GRID2: variants seen among roughly 807,000 people sequenced by gnomAD.
GRID2 encodes the protein glutamate receptor ionotropic, delta-2.
In GRID2, 33 loss-of-function variants were observed where a neutral mutation model predicts 114.8. The ratio of observed to expected loss-of-function variants is 0.29; its 90% CI spans 0.22 to 0.38. GRID2 has a LOEUF of 0.38. Among genes scored for constraint, GRID2 ranks in the 10% least tolerant of loss-of-function variants. The pLI, the probability that GRID2 is intolerant of heterozygous loss-of-function variation, is 1.00. For missense variants in GRID2, 1,184 were observed against 1,257.7 expected (o/e 0.94, Z 0.89); for synonymous variants, 505 against 449.9 (o/e 1.12, Z -1.55).
chr4:93,431,441 A>G (rs975002169), intron 10 of GRID2, among the ~76,000 whole-genome samples: 2 of 152,220 alleles, frequency 1.3e-5, no homozygotes, highest in South Asian at 4.1e-4. Context: ...AAAAAAAATA[A>G]GAAAGTTTCA....
intron 2 of GRID2, among the ~76,000 whole-genome samples, chr4:93,023,419 G>A (rs1267076150): frequency 6.6e-6 from 1 of 151,932 alleles, no homozygotes; most frequent in Non-Finnish European, 1.5e-5. Context: ...AAGGAAACCT[G>A]TGTAACTTTG....
intron 1 of GRID2, among the ~76,000 whole-genome samples, chr4:92,469,300 G>T (rs2149094223): frequency 6.6e-6 from 1 of 152,200 alleles, no homozygotes; most frequent in Non-Finnish European, 1.5e-5. Flanking sequence ...CAATGAGAAT[G>T]AAGAAGGTTA....
chr4:92,567,900 GC>G (rs1296711094), intron 1 of GRID2, among the ~76,000 whole-genome samples: 1 of 151,896 alleles, frequency 6.6e-6, no homozygotes, highest in African/African-American at 2.4e-5. Context: ...AAAACCCCTT[GC>G]CCTCATGGAA....
intron 14 of GRID2, among the ~76,000 whole-genome samples, chr4:93,691,918 A>AGT (rs143955579): frequency 0.012 from 1,760 of 151,860 alleles, 26 homozygotes; most frequent in African/African-American, 0.04. Context: ...ACATGTAAAC[A>AGT]GTGTGTGTGT....
At chr4:93,471,698 A>ATTTGTTTTTTTTTTTTTT (rs1724815104) in intron 11 of GRID2, among the ~76,000 whole-genome samples, 1 of 61,008 alleles carries the variant, frequency 1.6e-5, no homozygotes, top group Non-Finnish European at 3.2e-5. Flanking sequence ...CCTGAATTCA[A>ATTTGTTTTTTTTTTTTTT]TTTTTTTTTT....
chr4:93,191,050 A>G lies in GRID2; in HGVS notation c.736-16354A>G, dbSNP rs72889663. On this transcript the variant is annotated intron_variant, in intron 4 of 15. Coordinates refer to ENST00000282020, the MANE Select transcript of GRID2 (RefSeq NM_001510.4). ...CTGAGAATGATCTGGCATAATTGCA[A>G]GTATTAAAAATTTCAGATAAAGTTG... Among the ~76,000 whole-genome samples the G allele has an allele frequency of 7.6e-3, 1,157 of 152,190 alleles. 19 individuals carry two copies. Among genetic ancestry groups the G allele is most frequent in the African/African-American group, 0.027 (1,105 of 41,562 alleles).
At chr4:92,822,359 TG>T in intron 2 of GRID2, 1 of 620,192 alleles carries the variant, frequency 1.6e-6, no homozygotes, top group Non-Finnish European at 3.1e-6. Flanking sequence ...ATGGACTGTG[TG>T]GCCAAAGTGG....
At chr4:93,231,756 T>C (rs1746176154) in intron 7 of GRID2, among the ~76,000 whole-genome samples, 1 of 152,126 alleles carries the variant, frequency 6.6e-6, no homozygotes, top group African/African-American at 2.4e-5. Context: ...TAAACTGGTA[T>C]TGTATTTGCA....
At chr4:93,634,421 A>C (rs1385434846) in intron 14 of GRID2, among the ~76,000 whole-genome samples, 1 of 152,154 alleles carries the variant, frequency 6.6e-6, no homozygotes, top group Non-Finnish European at 1.5e-5. Flanking sequence ...ATTGAATGTG[A>C]TAGACTATCA....
intron 14 of GRID2, among the ~76,000 whole-genome samples, chr4:93,650,597 G>A (rs1405109623): frequency 6.6e-6 from 1 of 152,110 alleles, no homozygotes; most frequent in Admixed American, 6.5e-5. Flanking sequence ...GCAACCCAGT[G>A]CTTGTATAGT....
At chr4:93,363,560 G>A (rs1461000746) in intron 8 of GRID2, among the ~76,000 whole-genome samples, 1 of 151,826 alleles carries the variant, frequency 6.6e-6, no homozygotes, top group Non-Finnish European at 1.5e-5. Context: ...TTGTTTTGTT[G>A]TTACTGTTGT....
At position 93,070,629 on chromosome 4, in the gene GRID2, A is replaced by G. The variant is rs183554305; in HGVS notation, c.245-14366A>G. On this transcript the variant is annotated intron_variant, in intron 2 of 15. Coordinates refer to ENST00000282020, the MANE Select transcript of GRID2 (RefSeq NM_001510.4). ...AAAAGAGAAACCATAATGAATTAGA[A>G]TGAATATACTATATTACCAAGGTCA... 2.6e-5 allele frequency among the ~76,000 whole-genome samples: 4 copies of G among 152,224 alleles called. No homozygotes were observed. The East Asian group carries it at 7.7e-4, about 29-fold the overall frequency.
intron 14 of GRID2, among the ~76,000 whole-genome samples, chr4:93,676,737 A>T (rs111237425): frequency 6.8e-6 from 1 of 146,640 alleles, no homozygotes; most frequent in African/African-American, 2.7e-5. Flanking sequence ...AATGAAATTA[A>T]AAAAAAAAGA....
chr4:93,595,102 A>G (rs1016324553), intron 13 of GRID2, among the ~76,000 whole-genome samples: 19 of 152,130 alleles, frequency 1.2e-4, no homozygotes, highest in African/African-American at 4.6e-4. Flanking sequence ...TTTTTAAGAC[A>G]TGCTGCCTGC....
intron 2 of GRID2, among the ~76,000 whole-genome samples, chr4:92,760,383 C>T (rs757285916): frequency 1.3e-5 from 2 of 151,974 alleles, no homozygotes; most frequent in Non-Finnish European, 2.9e-5. Flanking sequence ...GCAGAAGGCT[C>T]TCGATCCTTT....
At chr4:93,795,839 T>C (rs183797598) in intron 1 of GRID2, among the ~76,000 whole-genome samples, 2 of 152,308 alleles carry the variant, frequency 1.3e-5, no homozygotes, top group Non-Finnish European at 1.5e-5. Flanking sequence ...CTAAGCTTAG[T>C]ATGAGGCAGT....
intron 2 of GRID2, among the ~76,000 whole-genome samples, chr4:92,814,753 C>T (rs192083837): frequency 6.6e-6 from 1 of 152,104 alleles, no homozygotes; most frequent in Non-Finnish European, 1.5e-5. Flanking sequence ...AAGATGCCAT[C>T]CACAGGAAGT....
At chr4:93,548,583 A>G (rs906611316) in intron 13 of GRID2, among the ~76,000 whole-genome samples, 2 of 152,220 alleles carry the variant, frequency 1.3e-5, no homozygotes, top group Non-Finnish European at 2.9e-5. Context: ...TACTCAATGA[A>G]GGTAAGACAG....
At chr4:93,785,694 A>T (rs1734577121) in intron 1 of GRID2, among the ~76,000 whole-genome samples, 1 of 152,206 alleles carries the variant, frequency 6.6e-6, no homozygotes, top group African/African-American at 2.4e-5. Flanking sequence ...TGACCTGATC[A>T]TGTTCCTATT....
Sources: allele counts gnomAD v4.1 joint callset (sites outside exome capture counted in the v4.1 genomes callset), GRCh38; gene constraint gnomAD v4.1.1; transcripts MANE v1.5; gene names NCBI Gene and HGNC (gene_info 2026-07-23, HGNC 2026-07-21).